The following AGO1 variants were observed in gnomAD, a reference collection of about 807,000 sequenced individuals.
The protein encoded by AGO1 is argonaute RISC component 1.
AGO1 carries 11 observed loss-of-function variants against 109.2 expected under a neutral mutation model. The observed-to-expected ratio is 0.10, with a 90% confidence interval of 0.06 to 0.17. AGO1 has a LOEUF of 0.17. Ranked by LOEUF, AGO1 falls within the 10% of genes least tolerant of loss-of-function variation. AGO1 has a pLI of 1.00. For synonymous variants in AGO1, 422 were observed against 418.6 expected, an observed-to-expected ratio of 1.01 and a Z score of -0.10; for missense variants, 574 against 1,140.3, an observed-to-expected ratio of 0.50 and a Z score of 7.15.
In AGO1 at chr1:35,883,587, C is replaced by G; in HGVS notation, c.25+141C>G. 2 of 1,297,458 alleles carry G rather than the reference C, an allele frequency of 1.5e-6. No homozygotes were observed. Among genetic ancestry groups the G allele is most frequent in the Non-Finnish European group, 2.0e-6 (2 of 990,408 alleles). The allele number at this position is 1,297,458 out of a possible 1,614,324, so 80.4% of individuals were successfully genotyped here. On this transcript the variant is annotated intron_variant, in intron 1 of 18. Coordinates refer to ENST00000373204, the MANE Select transcript of AGO1 (RefSeq NM_012199.5). The surrounding 1 kb of genome is among the most constrained non-coding windows in gnomAD (Gnocchi z 5.4). ...CGATGGGGGCCCAGTTTGAAGGAGG[C>G]TGTGTGCAGTTCCGGGGGAGAACCA...
At chr1:35,915,626 G>A in intron 15 of AGO1, 84 bp downstream of exon 15, 3 of 1,296,606 alleles carry the variant, frequency 2.3e-6, no homozygotes, top group Non-Finnish European at 3.2e-6. Context: ...TATTGGCACT[G>A]AGAGGTGTGT....
intron 2 of AGO1, among the ~76,000 whole-genome samples, chr1:35,891,299 G>A (rs1645213562): frequency 6.6e-6 from 1 of 152,182 alleles, no homozygotes; most frequent in African/African-American, 2.4e-5. Flanking sequence ...CTGGAATTTT[G>A]AAGGAATAAT....
At chr1:35,897,120 C>T (rs1035922297) in intron 8 of AGO1, among the ~76,000 whole-genome samples, 1 of 152,080 alleles carries the variant, frequency 6.6e-6, no homozygotes, top group Non-Finnish European at 1.5e-5. Flanking sequence ...AGCTTACATT[C>T]TAGAAGGGGG....
intron 11 of AGO1, among the ~76,000 whole-genome samples, chr1:35,904,562 G>A (rs1265982277): frequency 6.6e-6 from 1 of 152,068 alleles, no homozygotes; most frequent in East Asian, 1.9e-4. Flanking sequence ...CATTTCTTTT[G>A]GGATGATCTA....
upstream of AGO1, among the ~76,000 whole-genome samples, chr1:35,882,444 C>T (rs889556918): frequency 1.3e-5 from 2 of 152,104 alleles, no homozygotes; most frequent in African/African-American, 4.8e-5. The surrounding 1 kb of genome is among the most constrained non-coding windows in gnomAD (Gnocchi z 5.1). Context: ...AAGTAGAAGG[C>T]TCAGAAGGGA....
chr1:35,870,370 G>A (rs2148701758), intron 1 of AGO1, among the ~76,000 whole-genome samples: 1 of 151,708 alleles, frequency 6.6e-6, no homozygotes, highest in African/African-American at 2.4e-5. Flanking sequence ...TGCCAGCTCC[G>A]CCTCCCAGGT....
chr1:35,888,501 A>G lies in AGO1; in HGVS notation c.100A>G (p.Lys34Glu), dbSNP rs1645157658. ...CCGGCCTGGCATTGGCACTGTGGGG[A>G]AACCAATCAAGCTCCTGGCCAATTA... ...PRRPGIGTVG[K>E]PIKLLANYFE... Residue 34 changes from lysine to glutamate, a missense_variant, in exon 2 of 19, where the codon AAA (lysine) becomes GAA (glutamate). Lys to Glu is a moderately conservative substitution (Grantham distance 56). This residue lies in a region of AGO1 where 89 missense variants were observed against 109.6 expected (regional missense o/e 0.81). Coordinates refer to ENST00000373204, the MANE Select transcript of AGO1 (RefSeq NM_012199.5). This position sits in a 1 kb window ranked among gnomAD's most constrained non-coding sequence, Gnocchi z 4.1. The G allele has an allele frequency of 1.2e-6, 2 of 1,614,214 alleles. No homozygotes were observed. The highest frequency in any genetic ancestry group is 1.7e-6 in the Non-Finnish European group (2 of 1,180,040).
intron 15 of AGO1, among the ~76,000 whole-genome samples, chr1:35,916,540 G>A (rs1205727045): frequency 6.6e-6 from 1 of 152,016 alleles, no homozygotes; most frequent in Non-Finnish European, 1.5e-5. Context: ...GCTTATTTTT[G>A]TATTTTTAGT....
intron 16 of AGO1, 109 bp from the exon 17 acceptor site, chr1:35,918,213 A>C (rs780098602): frequency 3.5e-6 from 3 of 863,648 alleles, no homozygotes; most frequent in South Asian, 1.4e-5. Context: ...GGGAATAGCA[A>C]CTTTGGCTTT....
chr1:35,919,168 C>T lies in AGO1; in HGVS notation c.2379C>T (p.Arg793=), dbSNP rs1253810168. 1 of 1,614,104 alleles carries T rather than the reference C, an allele frequency of 6.2e-7. No individual in the cohort carries two copies. Among genetic ancestry groups the T allele is most frequent in the East Asian group, 2.2e-5 (1 of 44,884 alleles). The change falls in exon 18 of 19, where the codon CGC becomes CGT. Residue 793 remains arginine, a synonymous_variant. Transcript: ENST00000373204. The surrounding 1 kb of genome is among the most constrained non-coding windows in gnomAD (Gnocchi z 6.6). ...GCCACACTTACGTACGATGCACACG[C>T]TCTGTCTCTATCCCAGCACCTGCCT... The part of the protein sequence containing the change: ...QLCHTYVRCT[R]SVSIPAPAYY...
intron 1 of AGO1, among the ~76,000 whole-genome samples, chr1:35,885,586 G>A (rs1645108038): frequency 6.6e-6 from 1 of 152,130 alleles, no homozygotes; most frequent in Non-Finnish European, 1.5e-5. Flanking sequence ...GTGGCCTGAG[G>A]ACATAATACA....
At position 35,895,212 on chromosome 1, in the gene AGO1, C is replaced by G. The variant is rs909137877; in HGVS notation, c.963C>G (p.Pro321=). ...KQKYNLQLKY[P]HLPCLQVGQE... ...AATATAACCTTCAGCTCAAGTATCC[C>G]CATCTGCCCTGCCTACAAGTTGGCC... Residue 321 remains proline (P), a synonymous_variant, in exon 8 of 19, where the codon CCC becomes CCG. Coordinates refer to ENST00000373204, the MANE Select transcript of AGO1 (RefSeq NM_012199.5). 2 of 1,613,972 alleles carry G rather than the reference C, an allele frequency of 1.2e-6. No individual in the cohort carries two copies. The highest frequency in any genetic ancestry group is 1.3e-5 in the African/African-American group (1 of 74,892).
intron 11 of AGO1, among the ~76,000 whole-genome samples, chr1:35,903,662 A>G (rs1054983752): frequency 2.0e-5 from 3 of 151,652 alleles, no homozygotes; most frequent in African/African-American, 4.8e-5. Context: ...TTTCTGGGCA[A>G]TATAGATCCT....
chr1:35,870,239 C>A (rs1316145928), intron 1 of AGO1, among the ~76,000 whole-genome samples: 2 of 151,058 alleles, frequency 1.3e-5, no homozygotes, highest in Non-Finnish European at 2.9e-5. Flanking sequence ...AAATCTAGGT[C>A]TTTTTGTCGT....
At chr1:35,898,124 G>C (rs1182265416) in intron 8 of AGO1, among the ~76,000 whole-genome samples, 1 of 152,044 alleles carries the variant, frequency 6.6e-6, no homozygotes, top group Non-Finnish European at 1.5e-5. Flanking sequence ...ATGGACATTT[G>C]GATTGTTTCT....
intron 2 of AGO1, among the ~76,000 whole-genome samples, chr1:35,891,812 G>A (rs903228470): frequency 3.3e-5 from 5 of 151,860 alleles, no homozygotes; most frequent in African/African-American, 1.2e-4. Context: ...CAAATTGCCC[G>A]CCTTGGCCTC....
At chr1:35,910,800 C>T (rs77376443) in intron 12 of AGO1, among the ~76,000 whole-genome samples, 80 of 152,208 alleles carry the variant, frequency 5.3e-4, no homozygotes, top group African/African-American at 1.7e-3. Context: ...TGCAGTGACT[C>T]GTGCCTGTAA....
chr1:35,887,260 G>C (rs145643536), intron 1 of AGO1, among the ~76,000 whole-genome samples: 8 of 152,264 alleles, frequency 5.3e-5, no homozygotes, highest in Admixed American at 2.6e-4. Flanking sequence ...CATCCCCCCA[G>C]CTTGTCTGAC....
Position 35,888,379 on chromosome 1 carries a change from G to C in AGO1, c.26-48G>C. On this transcript the variant is annotated intron_variant, in intron 1 of 18. Transcript: ENST00000373204. The surrounding 1 kb of genome is among the most constrained non-coding windows in gnomAD (Gnocchi z 4.1). ...CCTTGTTCCTCCTCTGATAAGAGTA[G>C]TTAGGAGATTGCCAGACTTTACCCT... The C allele has an allele frequency of 1.3e-6, 2 of 1,593,250 alleles. No homozygotes were observed. The highest frequency in any genetic ancestry group is 1.7e-6 in the Non-Finnish European group (2 of 1,166,084).
Sources: gnomAD v4.1 joint callset for allele counts (sites outside exome capture counted in the v4.1 genomes callset) on GRCh38, gnomAD v4.1.1 for gene constraint, gnomAD v4.1.1 regional missense constraint, Gnocchi (gnomAD v3.1) non-coding constraint, MANE v1.5 for transcripts, NCBI Gene and HGNC (gene_info 2026-07-23, HGNC 2026-07-21) for gene names.